The following WDR70 variants were observed in gnomAD, a reference collection of about 807,000 sequenced individuals.
WDR70 encodes the protein WD repeat-containing protein 70.
In WDR70, 53 loss-of-function variants were observed where a neutral mutation model predicts 88.6. The ratio of observed to expected loss-of-function variants is 0.60; its 90% CI spans 0.48 to 0.75. The LOEUF is 0.75. WDR70 is among the 30% of genes least tolerant of loss of function. WDR70 has a pLI of 0.00. For missense variants in WDR70, 610 were observed against 823.2 expected (o/e 0.74, Z 3.17); for synonymous variants, 280 against 270.0 (o/e 1.04, Z -0.36).
intron 9 of WDR70, among the ~76,000 whole-genome samples, chr5:37,521,490 C>T (rs545589614): frequency 2.6e-5 from 4 of 152,222 alleles, no homozygotes; most frequent in Non-Finnish European, 2.9e-5. Flanking sequence ...TCTCACCACT[C>T]GCCACCGTTT....
chr5:37,414,221 C>T (rs552390012), intron 5 of WDR70, among the ~76,000 whole-genome samples: 1 of 151,884 alleles, frequency 6.6e-6, no homozygotes, highest in African/African-American at 2.4e-5. Flanking sequence ...TTCTTCCTAT[C>T]ACTTCAGGTT....
intron 8 of WDR70, among the ~76,000 whole-genome samples, chr5:37,511,237 TCTA>T (rs1398486113): frequency 6.6e-6 from 1 of 152,196 alleles, no homozygotes; most frequent in African/African-American, 2.4e-5. Context: ...TCAGTAGCAT[TCTA>T]CTAAAAGGAA....
chr5:37,484,043 C>T (rs1023525328), intron 8 of WDR70, among the ~76,000 whole-genome samples: 11 of 151,556 alleles, frequency 7.3e-5, no homozygotes, highest in East Asian at 3.9e-4. Flanking sequence ...GGATGGCGGC[C>T]GGGAAGAGGC....
rs369405090 is a variant in WDR70, at chr5:37,576,027, T to TTTCC, written c.918-29012_918-29009dup. 1.2e-3 allele frequency among the ~76,000 whole-genome samples: 180 copies of TTTCC among 150,666 alleles called. 2 individuals are homozygous for TTTCC. Among genetic ancestry groups the TTTCC allele is most frequent in the East Asian group, 2.9e-3 (15 of 5,100 alleles). On this transcript the variant is annotated intron_variant, in intron 9 of 17. Coordinates refer to ENST00000265107, the MANE Select transcript of WDR70 (RefSeq NM_018034.4). ...AAGTATTACGAGTATAAAAAGCAGA[T>TTTCC]TTCCTTCCTTCCTTCCTTCCTTCCT...
At chr5:37,723,594 T>C (rs185096121) in intron 15 of WDR70, 1 of 152,404 alleles carries the variant, frequency 6.6e-6, no homozygotes, top group Non-Finnish European at 1.5e-5. Context: ...TTATCATTAG[T>C]GGATGGCCCT....
chr5:37,619,589 A>C (rs1744448837), intron 10 of WDR70, among the ~76,000 whole-genome samples: 1 of 152,232 alleles, frequency 6.6e-6, no homozygotes, highest in Non-Finnish European at 1.5e-5. Flanking sequence ...TACACAAAGT[A>C]AAGTCTGAGC....
At chr5:37,435,226 A>G (rs10045274) in intron 5 of WDR70, among the ~76,000 whole-genome samples, 5,378 of 151,736 alleles carry the variant, frequency 0.035, 331 homozygotes, top group African/African-American at 0.12. Context: ...TTTTCATCCT[A>G]TCTTTTTGGT....
chr5:37,661,673 G>C lies in WDR70; in HGVS notation c.1093-35982G>C, dbSNP rs530713671. Among the ~76,000 whole-genome samples the C allele has an allele frequency of 9.8e-5, 15 of 152,308 alleles. No individual in the cohort carries two copies. In the East Asian group the frequency reaches 2.9e-3, roughly 29 times the overall value. On this transcript the variant is annotated intron_variant, in intron 10 of 17. Transcript: ENST00000265107. ...GGAGATAGAATCATAGAGGATGGAAGTGAGGTTTTCTTGTTGTCTTATGTT... is the reference window on the plus strand; with the variant it reads ...GGAGATAGAATCATAGAGGATGGAACTGAGGTTTTCTTGTTGTCTTATGTT...
At chr5:37,442,772 A>G (rs1440846643) in intron 6 of WDR70, among the ~76,000 whole-genome samples, 1 of 152,252 alleles carries the variant, frequency 6.6e-6, no homozygotes, top group African/African-American at 2.4e-5. Flanking sequence ...CTACTTTGTT[A>G]AATAGATTTC....
At chr5:37,588,556 T>C (rs1465444656) in intron 9 of WDR70, among the ~76,000 whole-genome samples, 1 of 151,452 alleles carries the variant, frequency 6.6e-6, no homozygotes, top group Non-Finnish European at 1.5e-5. Context: ...CCACTCTCCA[T>C]ACTATATTTA....
intron 13 of WDR70, among the ~76,000 whole-genome samples, chr5:37,712,838 A>T (rs1322434072): frequency 1.3e-5 from 2 of 152,006 alleles, no homozygotes; most frequent in Non-Finnish European, 2.9e-5. Context: ...AATAGCTGGG[A>T]TTACAAGCGT....
intron 9 of WDR70, among the ~76,000 whole-genome samples, chr5:37,604,027 A>G (rs1489885983): frequency 6.6e-6 from 1 of 152,160 alleles, no homozygotes; most frequent in Admixed American, 6.6e-5. Context: ...TTTGCTTTAC[A>G]TCAATTTATT....
At chr5:37,445,124 G>C (rs1738416135) in intron 7 of WDR70, among the ~76,000 whole-genome samples, 1 of 151,884 alleles carries the variant, frequency 6.6e-6, no homozygotes, top group African/African-American at 2.4e-5. Context: ...AATATCAAAG[G>C]CTTTATCATA....
chr5:37,481,578 A>G (rs1437702884), intron 8 of WDR70, among the ~76,000 whole-genome samples: 3 of 152,050 alleles, frequency 2.0e-5, no homozygotes, highest in Non-Finnish European at 4.4e-5. Flanking sequence ...TAGGCTGCAC[A>G]CAGCAGGGGG....
At chr5:37,672,165 C>T (rs1218152834) in intron 10 of WDR70, among the ~76,000 whole-genome samples, 1 of 152,064 alleles carries the variant, frequency 6.6e-6, no homozygotes, top group Non-Finnish European at 1.5e-5. Flanking sequence ...TCTCAATTAA[C>T]CAGGGTCACA....
intron 8 of WDR70, among the ~76,000 whole-genome samples, chr5:37,499,587 T>TTTTCTCTCTCTCTCTC (rs1554144047): frequency 7.6e-4 from 32 of 41,860 alleles, no homozygotes; most frequent in South Asian, 1.3e-3. Flanking sequence ...TTTGGAAATA[T>TTTTCTCTCTCTCTCTC]TCTCTCTCTC....
chr5:37,549,115 A>G (rs1015516383), intron 9 of WDR70, among the ~76,000 whole-genome samples: 2 of 152,048 alleles, frequency 1.3e-5, no homozygotes, highest in African/African-American at 4.8e-5. Context: ...GATAGCTTTG[A>G]CTATTCTGAG....
chr5:37,544,764 C>T (rs1741935291), intron 9 of WDR70, among the ~76,000 whole-genome samples: 1 of 152,090 alleles, frequency 6.6e-6, no homozygotes. Flanking sequence ...GCCTTGGATT[C>T]ATTTGGATGT....
chr5:37,545,112 A>G (rs1336631094), intron 9 of WDR70, among the ~76,000 whole-genome samples: 1 of 152,198 alleles, frequency 6.6e-6, no homozygotes, highest in Admixed American at 6.5e-5. Context: ...TGTCTTGACA[A>G]TGTAGACCTA....
Sources: gnomAD v4.1 joint callset for allele counts (sites outside exome capture counted in the v4.1 genomes callset) on GRCh38, gnomAD v4.1.1 for gene constraint, MANE v1.5 for transcripts, NCBI Gene and HGNC (gene_info 2026-07-23, HGNC 2026-07-21) for gene names.